SPRED2: variants seen among roughly 807,000 people sequenced by gnomAD.
SPRED2 encodes the protein sprouty-related, EVH1 domain-containing protein 2.
Under a neutral mutation model 43.0 loss-of-function variants are expected in SPRED2, and 47 were observed. The ratio of observed to expected loss-of-function variants is 1.09; its 90% CI spans 0.87 to 1.40. The LOEUF is 1.40. SPRED2 is among the 40% of genes most tolerant of loss of function. The pLI is 0.00. For synonymous variants in SPRED2, 225 were observed against 225.7 expected (o/e 1.00, Z 0.03); for missense variants, 561 against 586.4 (o/e 0.96, Z 0.45).
Position 65,311,772 on chromosome 2 carries a change from C to T in SPRED2, c.*1729G>A. 1 of 985,452 alleles carries T rather than the reference C, an allele frequency of 1.0e-6. No individual in the cohort carries two copies. Among genetic ancestry groups the T allele is most frequent in the Non-Finnish European group, 1.2e-6 (1 of 829,936 alleles). 61.0% of individuals were successfully genotyped at this position (985,452 alleles called of 1,614,324 possible). ...CTCATAAGCACACTGGGTATTTACA[C>T]CGGTAATCTACTAAAGAAAATCGAT... On this transcript the variant is annotated 3_prime_UTR_variant, in exon 6 of 6. Transcript: ENST00000356388.
chr2:65,312,458 G>T lies in SPRED2; in HGVS notation c.*1043C>A. ...AATATAAAATAGCCAGGGGTTGGGG[G>T]GAAGAAGCTCCCTATGGTTTTATTC... On this transcript the variant is annotated 3_prime_UTR_variant, in exon 6 of 6. Coordinates refer to ENST00000356388, the MANE Select transcript of SPRED2 (RefSeq NM_181784.3). The T allele has an allele frequency of 1.0e-6, 1 of 985,366 alleles. No homozygotes were observed. Among genetic ancestry groups the T allele is most frequent in the Non-Finnish European group, 1.2e-6 (1 of 829,930 alleles). 61.0% of individuals were successfully genotyped at this position (985,366 alleles called of 1,614,324 possible).
intron 4 of SPRED2, 106 bp from the exon 5 acceptor site, chr2:65,316,989 G>T: frequency 8.2e-7 from 1 of 1,225,394 alleles, no homozygotes; most frequent in Non-Finnish European, 1.1e-6. Context: ...CCCTGGTTGT[G>T]GCAATTTGCT....
intron 1 of SPRED2, among the ~76,000 whole-genome samples, chr2:65,423,771 GC>G (rs1676492314): frequency 2.9e-5 from 2 of 68,818 alleles, no homozygotes; most frequent in African/African-American, 2.2e-4. Context: ...CCTCATTTAT[GC>G]TTTTTTTTTT....
intron 1 of SPRED2, among the ~76,000 whole-genome samples, chr2:65,404,766 A>C (rs1006009903): frequency 1.4e-4 from 21 of 152,262 alleles, no homozygotes; most frequent in African/African-American, 5.1e-4. Context: ...TCTATAAAAA[A>C]CACGTGCCTG....
At chr2:65,346,691 C>A (rs1219499103) in intron 1 of SPRED2, among the ~76,000 whole-genome samples, 1 of 152,178 alleles carries the variant, frequency 6.6e-6, no homozygotes, top group Non-Finnish European at 1.5e-5. Context: ...TCTATCTCCC[C>A]ACTGCACCCT....
chr2:65,425,510 A>G (rs978040397), intron 1 of SPRED2, among the ~76,000 whole-genome samples: 1 of 152,256 alleles, frequency 6.6e-6, no homozygotes, highest in Non-Finnish European at 1.5e-5. Context: ...AGGTTACATG[A>G]GAAAGGGAAA....
intron 1 of SPRED2, among the ~76,000 whole-genome samples, chr2:65,400,720 G>A (rs557195712): frequency 6.6e-6 from 1 of 152,150 alleles, no homozygotes; most frequent in South Asian, 2.1e-4. Context: ...TGCTCTGATG[G>A]AAGGTCCTTT....
At chr2:65,361,470 G>C (rs1442059593) in intron 1 of SPRED2, among the ~76,000 whole-genome samples, 2 of 152,110 alleles carry the variant, frequency 1.3e-5, no homozygotes, top group East Asian at 1.9e-4. Flanking sequence ...TAATCCTTAG[G>C]CAGTTCTACT....
chr2:65,389,282 G>T (rs1675578431), intron 1 of SPRED2, among the ~76,000 whole-genome samples: 1 of 150,278 alleles, frequency 6.7e-6, no homozygotes, highest in African/African-American at 2.5e-5. Flanking sequence ...CTTGCCTTGG[G>T]AGAAGCACAA....
intron 1 of SPRED2, among the ~76,000 whole-genome samples, chr2:65,403,533 C>A (rs1415659843): frequency 6.6e-6 from 1 of 152,182 alleles, no homozygotes; most frequent in Non-Finnish European, 1.5e-5. Flanking sequence ...TCCTAAAATG[C>A]TGGGATTACA....
intron 1 of SPRED2, among the ~76,000 whole-genome samples, chr2:65,384,407 T>C (rs1376347861): frequency 1.3e-5 from 2 of 152,184 alleles, no homozygotes; most frequent in Admixed American, 6.5e-5. Flanking sequence ...CCCATCTCCA[T>C]AGGCAGGACC....
At chr2:65,342,261 A>G (rs1012670005) in intron 2 of SPRED2, among the ~76,000 whole-genome samples, 7 of 143,468 alleles carry the variant, frequency 4.9e-5, no homozygotes, top group East Asian at 4.0e-4. Context: ...TATATTATGT[A>G]TGTATATTTT....
intron 1 of SPRED2, among the ~76,000 whole-genome samples, chr2:65,356,969 G>C (rs1330169167): frequency 6.6e-6 from 1 of 152,134 alleles, no homozygotes; most frequent in Non-Finnish European, 1.5e-5. Context: ...ACTCCAGCCT[G>C]GGCAACAGAA....
downstream of SPRED2, among the ~76,000 whole-genome samples, chr2:65,307,967 A>G (rs1417271103): frequency 7.1e-6 from 1 of 140,966 alleles, no homozygotes; most frequent in Non-Finnish European, 1.5e-5. Context: ...CCATTCACAC[A>G]GATGGCCCTG....
At chr2:65,338,132 G>A (rs1348413500) in intron 2 of SPRED2, among the ~76,000 whole-genome samples, 1 of 151,116 alleles carries the variant, frequency 6.6e-6, no homozygotes, top group African/African-American at 2.4e-5. Context: ...TCTATTGAAA[G>A]TGAAAGAGTC....
intron 2 of SPRED2, among the ~76,000 whole-genome samples, chr2:65,339,326 C>A (rs937212076): frequency 2.0e-5 from 3 of 151,858 alleles, no homozygotes; most frequent in Non-Finnish European, 4.4e-5. Context: ...GGATGGTTGC[C>A]GTGTCTGTGT....
In SPRED2 at chr2:65,316,083, C is replaced by T. The variant is rs554418192; in HGVS notation, c.588+651G>A. ...TTTAAAAACAAAACAAAACAACTCA[C>T]TGCCCTTTTTTCTCATTTCAAAGCA... On this transcript the variant is annotated intron_variant, in intron 5 of 5. Coordinates refer to ENST00000356388, the MANE Select transcript of SPRED2 (RefSeq NM_181784.3). Among the ~76,000 whole-genome samples, 280 of 152,352 alleles carry T rather than the reference C, an allele frequency of 1.8e-3. 1 individual carries two copies. Among genetic ancestry groups the T allele is most frequent in the African/African-American group, 6.3e-3 (264 of 41,576 alleles).
chr2:65,368,964 A>G (rs1675051249), intron 1 of SPRED2, among the ~76,000 whole-genome samples: 1 of 152,186 alleles, frequency 6.6e-6, no homozygotes, highest in African/African-American at 2.4e-5. Flanking sequence ...GGTCCCAGCT[A>G]CACAGAAAGC....
intron 1 of SPRED2, among the ~76,000 whole-genome samples, chr2:65,419,790 G>C (rs1014808079): frequency 3.9e-5 from 6 of 152,186 alleles, no homozygotes; most frequent in African/African-American, 1.4e-4. Context: ...TGCATGGAGT[G>C]CATATGGTTT....
Sources: allele counts gnomAD v4.1 joint callset (sites outside exome capture counted in the v4.1 genomes callset), GRCh38; gene constraint gnomAD v4.1.1; transcripts MANE v1.5; gene names NCBI Gene and HGNC (gene_info 2026-07-23, HGNC 2026-07-21).